Variants in DLG2 observed in about 807,000 individuals in gnomAD.
The protein encoded by DLG2 is discs large MAGUK scaffold protein 2.
Under a neutral mutation model 132.5 loss-of-function variants are expected in DLG2, and 45 were observed. The observed-to-expected ratio is 0.34, with a 90% CI of 0.27 to 0.44. The LOEUF is 0.44. Ranked by LOEUF, DLG2 falls within the 20% of genes least tolerant of loss-of-function variation. The pLI is 1.00. For synonymous variants in DLG2, 424 were observed against 419.6 expected (o/e 1.01, Z -0.13); for missense variants, 1,045 against 1,196.9 (o/e 0.87, Z 1.87).
At chr11:84,328,456 C>T (rs1212161079) in intron 7 of DLG2, among the ~76,000 whole-genome samples, 2 of 152,148 alleles carry the variant, frequency 1.3e-5, no homozygotes, top group South Asian at 2.1e-4. Context: ...ATTTCTTTTA[C>T]TCTGGGACAG....
chr11:85,184,718 G>C (rs1448414807), intron 4 of DLG2, among the ~76,000 whole-genome samples: 3 of 151,684 alleles, frequency 2.0e-5, no homozygotes, highest in African/African-American at 7.3e-5. Context: ...ATATAAACTT[G>C]AACAGTATTA....
chr11:84,355,397 G>A (rs1366717937), intron 7 of DLG2, among the ~76,000 whole-genome samples: 8 of 151,898 alleles, frequency 5.3e-5, no homozygotes. Flanking sequence ...GATCATGAGG[G>A]TAGAGCTCTC....
intron 6 of DLG2, among the ~76,000 whole-genome samples, chr11:84,878,229 TATAAATC>T (rs1202022050): frequency 1.3e-5 from 2 of 152,110 alleles, no homozygotes; most frequent in African/African-American, 2.4e-5. Flanking sequence ...CCCAAAGAAT[TATAAATC>T]ATTCTACTAT....
At chr11:84,905,987 AAACC>A (rs1339782004) in intron 6 of DLG2, among the ~76,000 whole-genome samples, 2 of 152,178 alleles carry the variant, frequency 1.3e-5, no homozygotes, top group Admixed American at 1.3e-4. Context: ...TGCCTTGTAT[AAACC>A]TCATCTGGCA....
intron 6 of DLG2, among the ~76,000 whole-genome samples, chr11:85,036,786 C>T (rs1039152221): frequency 6.6e-6 from 1 of 152,098 alleles, no homozygotes; most frequent in East Asian, 1.9e-4. Flanking sequence ...TCTATTTTGG[C>T]TTGATTTTCT....
At chr11:83,462,780 C>CAT (rs2090276507) in intron 26 of DLG2, among the ~76,000 whole-genome samples, 1 of 152,152 alleles carries the variant, frequency 6.6e-6, no homozygotes, top group Admixed American at 6.5e-5. Context: ...TAAAATATGA[C>CAT]ATATACTCCA....
At chr11:84,577,391 C>A (rs1377546362) in intron 6 of DLG2, among the ~76,000 whole-genome samples, 1 of 152,156 alleles carries the variant, frequency 6.6e-6, no homozygotes, top group African/African-American at 2.4e-5. Context: ...TTGGAACTTC[C>A]TGGAGACTTG....
chr11:84,180,369 T>A (rs1158509000), intron 8 of DLG2, among the ~76,000 whole-genome samples: 1 of 151,806 alleles, frequency 6.6e-6, no homozygotes, highest in Non-Finnish European at 1.5e-5. Flanking sequence ...ATAGAGAACA[T>A]TTAAGAAATG....
chr11:84,846,041 T>C (rs2154016675), intron 6 of DLG2, among the ~76,000 whole-genome samples: 1 of 152,146 alleles, frequency 6.6e-6, no homozygotes, highest in South Asian at 2.1e-4. Flanking sequence ...TTTTTCCTCT[T>C]CCTGACCTTT....
chr11:84,131,754 A>T (rs1230780922), intron 9 of DLG2, among the ~76,000 whole-genome samples: 1 of 151,942 alleles, frequency 6.6e-6, no homozygotes, highest in East Asian at 1.9e-4. Context: ...AAAAACCCAA[A>T]CAGTGATGTT....
chr11:83,970,887 G>A (rs546026779), intron 12 of DLG2, among the ~76,000 whole-genome samples: 1 of 152,182 alleles, frequency 6.6e-6, no homozygotes, highest in Non-Finnish European at 1.5e-5. Flanking sequence ...CTTCTGTGTG[G>A]TCTTTTTAAA....
intron 18 of DLG2, among the ~76,000 whole-genome samples, chr11:83,747,987 G>A (rs2093038820): frequency 6.6e-6 from 1 of 152,108 alleles, no homozygotes; most frequent in Non-Finnish European, 1.5e-5. Flanking sequence ...GAAGATTGAG[G>A]CACTTATAGA....
intron 6 of DLG2, among the ~76,000 whole-genome samples, chr11:84,782,555 T>C (rs1455167198): frequency 6.6e-6 from 1 of 152,130 alleles, no homozygotes; most frequent in Non-Finnish European, 1.5e-5. Context: ...GGAAGATCTA[T>C]GAATCCCGGG....
chr11:84,750,958 G>C (rs1481304120), intron 6 of DLG2, among the ~76,000 whole-genome samples: 2 of 152,094 alleles, frequency 1.3e-5, no homozygotes, highest in African/African-American at 2.4e-5. Context: ...ATTGAAATCA[G>C]GCATTGAGGT....
chr11:84,414,940 A>G (rs547754893), intron 7 of DLG2, among the ~76,000 whole-genome samples: 1 of 152,318 alleles, frequency 6.6e-6, no homozygotes, highest in South Asian at 2.1e-4. Context: ...TGTTTGGGGA[A>G]CAGAGTATGG....
At chr11:85,337,159 C>T (rs2082189841) in intron 3 of DLG2, among the ~76,000 whole-genome samples, 1 of 152,202 alleles carries the variant, frequency 6.6e-6, no homozygotes, top group Non-Finnish European at 1.5e-5. Flanking sequence ...TATTAATTCG[C>T]AGCATAAATT....
At chr11:83,978,808 T>C (rs1374874614) in intron 12 of DLG2, among the ~76,000 whole-genome samples, 5 of 151,978 alleles carry the variant, frequency 3.3e-5, no homozygotes, top group African/African-American at 1.2e-4. Flanking sequence ...ATGACAATAA[T>C]GAATAAAGGA....
At chr11:83,583,654 G>C (rs1281583883) in intron 19 of DLG2, among the ~76,000 whole-genome samples, 1 of 152,076 alleles carries the variant, frequency 6.6e-6, no homozygotes, top group Non-Finnish European at 1.5e-5. Context: ...TTTACCATAG[G>C]GATTTCAAAG....
chr11:85,322,204 C>G (rs890562150), intron 3 of DLG2, among the ~76,000 whole-genome samples: 1 of 152,062 alleles, frequency 6.6e-6, no homozygotes, highest in Admixed American at 6.5e-5. Context: ...CTCCAGTGTA[C>G]TGATTCCTCT....
Sources: allele counts gnomAD v4.1 joint callset (sites outside exome capture counted in the v4.1 genomes callset), GRCh38; gene constraint gnomAD v4.1.1; transcripts MANE v1.5; gene names NCBI Gene and HGNC (gene_info 2026-07-23, HGNC 2026-07-21).